Variants in CNOT1 observed in about 807,000 individuals in gnomAD.
CNOT1 encodes CCR4-associated factor 1.
In CNOT1, 15 loss-of-function variants were observed where a neutral mutation model predicts 273.8. The observed-to-expected ratio is 0.05, with a 90% CI of 0.04 to 0.08. The LOEUF (loss-of-function observed/expected upper bound fraction) is 0.08, where lower values mean the gene tolerates loss of function less well. Ranked by LOEUF, CNOT1 falls within the 10% of genes least tolerant of loss-of-function variation. The pLI is 1.00. For synonymous variants in CNOT1, 1,022 were observed against 1,005.5 expected, an observed-to-expected ratio of 1.02 and a Z score of -0.31; for missense variants, 1,644 against 2,912.2, an observed-to-expected ratio of 0.56 and a Z score of 10.02.
At chr16:58,578,635 T>C in intron 13 of CNOT1, 64 bp downstream of exon 13, 2 of 1,576,626 alleles carry the variant, frequency 1.3e-6, no homozygotes, top group South Asian at 1.1e-5. Flanking sequence ...TTGAGCTTCC[T>C]CAACACTCCA....
At chr16:58,566,904 T>C (rs1170156466) in intron 16 of CNOT1, among the ~76,000 whole-genome samples, 1 of 152,170 alleles carries the variant, frequency 6.6e-6, no homozygotes, top group Non-Finnish European at 1.5e-5. Flanking sequence ...GTGCTGGGAT[T>C]ACAGCTGTGA....
At chr16:58,555,694 A>G in intron 20 of CNOT1, 90 bp downstream of exon 20, 1 of 1,580,606 alleles carries the variant, frequency 6.3e-7, no homozygotes, top group Non-Finnish European at 8.6e-7. Flanking sequence ...ATATCAGGGC[A>G]CTTTGAGCTG....
rs78323746 is a variant in CNOT1 at position 58,542,631 on chromosome 16, T to C, written c.4435-63A>G. On this transcript the variant is annotated intron_variant, in intron 31 of 48. Coordinates refer to ENST00000317147, the MANE Select transcript of CNOT1 (RefSeq NM_016284.5). ...AAGGAAAAAGACTTGAAAGTTGATG[T>C]GGACAGACAGGATAGTAGAAAATGC... 12,137 of 1,583,656 alleles carry C rather than the reference T, an allele frequency of 7.7e-3. 60 individuals are homozygous for C. Among genetic ancestry groups the C allele is most frequent in the Non-Finnish European group, 8.8e-3 (10,284 of 1,168,250 alleles).
At chr16:58,610,927 C>T (rs1265416065) in intron 1 of CNOT1, among the ~76,000 whole-genome samples, 1 of 150,032 alleles carries the variant, frequency 6.7e-6, no homozygotes, top group Non-Finnish European at 1.5e-5. Flanking sequence ...GCCCCAGCTA[C>T]TTGGGAGGCT....
chr16:58,549,872 T>C lies in CNOT1; in HGVS notation c.3369A>G (p.Lys1123=), dbSNP rs1251881202. The change falls in exon 25 of 49, where the codon AAA becomes AAG. Residue 1123 remains lysine (K), a synonymous_variant. Transcript: ENST00000317147. Reference sequence around the variant, plus strand: ...GTGAAACCCAAGGCATAAATTCTTCTTTCACCGTTTCCTTTAGCTCTTCAA... The same window carrying C: ...GTGAAACCCAAGGCATAAATTCTTCCTTCACCGTTTCCTTTAGCTCTTCAA... ...QKVEELKETV[K]EEFMPWVSQY... 1 of 1,613,858 alleles carries C rather than the reference T, an allele frequency of 6.2e-7. No homozygotes were observed. Among genetic ancestry groups the C allele is most frequent in the East Asian group, 2.2e-5 (1 of 44,882 alleles).
At chr16:58,587,475 C>G in intron 4 of CNOT1, 62 bp from the exon 5 acceptor site, 1 of 1,602,752 alleles carries the variant, frequency 6.2e-7, no homozygotes, top group Non-Finnish European at 8.5e-7. Context: ...TTTTTAACAA[C>G]CTATCTGTTT....
chr16:58,521,450 G>C (rs1045942200), intron 47 of CNOT1, 133 bp from the exon 48 acceptor site: 3 of 841,326 alleles, frequency 3.6e-6, no homozygotes, highest in African/African-American at 3.4e-5. Flanking sequence ...AGTAAAGACA[G>C]GTGGATTAAT....
chr16:58,627,584 G>A (rs964179547), intron 1 of CNOT1, among the ~76,000 whole-genome samples: 1 of 151,160 alleles, frequency 6.6e-6, no homozygotes, highest in African/African-American at 2.4e-5. Context: ...AAATAAGAAG[G>A]ATGTCTTATT....
intron 37 of CNOT1, 48 bp from the exon 38 acceptor site, chr16:58,538,108 A>C (rs2039975136): frequency 6.2e-7 from 1 of 1,613,604 alleles, no homozygotes; most frequent in Non-Finnish European, 8.5e-7. Context: ...CTTAAGAGCA[A>C]ACGTACTTCC....
chr16:58,522,456 T>C (rs554510851), intron 47 of CNOT1, among the ~76,000 whole-genome samples: 6 of 152,208 alleles, frequency 3.9e-5, no homozygotes, highest in Admixed American at 1.3e-4. Context: ...CAATAAGATA[T>C]TAAATTTTAG....
At chr16:58,556,645 C>A (rs2040642554) in intron 19 of CNOT1, among the ~76,000 whole-genome samples, 1 of 152,108 alleles carries the variant, frequency 6.6e-6, no homozygotes, top group African/African-American at 2.4e-5. Context: ...GGATAAACAC[C>A]CTCAGGATGC....
intron 1 of CNOT1, among the ~76,000 whole-genome samples, chr16:58,628,000 G>C (rs1275535664): frequency 6.6e-6 from 1 of 152,094 alleles, no homozygotes; most frequent in Non-Finnish European, 1.5e-5. Context: ...GCTAATTTTT[G>C]TATTTTTAGT....
At chr16:58,587,546 C>T (rs2041915619) in intron 4 of CNOT1, 133 bp from the exon 5 acceptor site, 1 of 1,299,248 alleles carries the variant, frequency 7.7e-7, no homozygotes, top group Admixed American at 2.6e-5. Context: ...AAACATTACA[C>T]TATGTCCTAA....
rs61153626 is a variant in CNOT1, at chr16:58,607,739, G to GAA, written c.-174-8230_-174-8229dup. Among the ~76,000 whole-genome samples, 6 of 97,430 alleles carry GAA rather than the reference G, an allele frequency of 6.2e-5. 1 individual carries two copies. Among genetic ancestry groups the GAA allele is most frequent in the Admixed American group, 1.2e-4 (1 of 8,400 alleles). 63.9% of individuals were successfully genotyped at this position (97,430 alleles called of 152,430 possible). On this transcript the variant is annotated intron_variant, in intron 1 of 48. Transcript: ENST00000317147. ...CAAAACTCAAAAAAAAAAAAAAAAA[G>GAA]AAAGAAAGAAAGAAAAGGGCTATCT...
chr16:58,578,622 T>C (rs2041551129), intron 13 of CNOT1, 77 bp downstream of exon 13: 2 of 1,536,240 alleles, frequency 1.3e-6, no homozygotes, highest in Admixed American at 2.1e-5. Context: ...AAAATTTCTC[T>C]GGTTGAGCTT....
Position 58,546,372 on chromosome 16 carries a change from G to A in CNOT1, c.3955C>T (p.Pro1319Ser), listed in dbSNP as rs1347483944. The change falls in exon 29 of 49, where the codon CCA becomes TCA. Residue 1319 changes from proline (P) to serine (S), a missense_variant. Physicochemically the swap from Pro to Ser is moderately conservative, Grantham distance 74. Coordinates refer to ENST00000317147, the MANE Select transcript of CNOT1 (RefSeq NM_016284.5). ...LKNLDEQLSA[P>S]KKDVKQPEEL... ...TCTGGCTGCTTGACATCTTTCTTTG[G>A]AGCAGAGAGTTGCTCATCTAAATTC... 6.2e-7 allele frequency: 1 copy of A among 1,613,902 alleles called. No individual in the cohort carries two copies. The highest frequency in any genetic ancestry group is 1.7e-5 in the Admixed American group (1 of 59,974).
At chr16:58,580,794 G>A in intron 11 of CNOT1, 34 bp from the exon 12 acceptor site, 1 of 1,572,928 alleles carries the variant, frequency 6.4e-7, no homozygotes, top group Non-Finnish European at 8.7e-7. Context: ...CACCATAAAT[G>A]ATTGTGAATG....
chr16:58,616,402 G>A (rs1180953340), intron 1 of CNOT1, among the ~76,000 whole-genome samples: 6 of 150,712 alleles, frequency 4.0e-5, no homozygotes, highest in Non-Finnish European at 7.4e-5. Context: ...CACCACGCCC[G>A]GCCTACAAGG....
intron 2 of CNOT1, among the ~76,000 whole-genome samples, chr16:58,597,417 G>GT (rs1428010417): frequency 4.6e-5 from 7 of 152,054 alleles, no homozygotes; most frequent in Non-Finnish European, 1.0e-4. Context: ...GGAGGTTGCA[G>GT]TGAGCTGAGA....
Sources: allele counts gnomAD v4.1 joint callset (sites outside exome capture counted in the v4.1 genomes callset), GRCh38; gene constraint gnomAD v4.1.1; transcripts MANE v1.5; gene names NCBI Gene and HGNC (gene_info 2026-07-23, HGNC 2026-07-21).